SART3: variants seen among roughly 807,000 people sequenced by gnomAD.
The protein encoded by SART3 is HIV-1 Tat-interacting protein of 110kDa.
Under a neutral mutation model 122.3 loss-of-function variants are expected in SART3, and 44 were observed. The ratio of observed to expected loss-of-function variants is 0.36; its 90% CI spans 0.28 to 0.46. The LOEUF (loss-of-function observed/expected upper bound fraction) is 0.46, where lower values mean the gene tolerates loss of function less well. Ranked by LOEUF, SART3 falls within the 20% of genes least tolerant of loss-of-function variation. The pLI is 1.00. For missense variants in SART3, 1,101 were observed against 1,229.0 expected (o/e 0.90, Z 1.56); for synonymous variants, 442 against 454.0 (o/e 0.97, Z 0.34).
chr12:108,538,192 C>T lies in SART3; in HGVS notation c.1074G>A (p.Leu358=), dbSNP rs574890118. ...CAGATAAAACCAAATCCTTTACTTT[C>T]AGTTGTCGATCCTATGATAAAGAAT... The part of the protein sequence containing the change: ...IRYSQYLDRQ[L]KVKDLVLSVH... Residue 358 remains leucine, a synonymous_variant, in exon 8 of 19, where the codon CTG becomes CTA. Coordinates refer to ENST00000546815, the MANE Select transcript of SART3 (RefSeq NM_014706.4). 1.9e-6 allele frequency: 3 copies of T among 1,614,200 alleles called. No individual in the cohort carries two copies. In the South Asian group the frequency reaches 3.3e-5, roughly 18 times the overall value.
At chr12:108,552,215 T>TA (rs1179364832) in intron 1 of SART3, among the ~76,000 whole-genome samples, 8 of 152,174 alleles carry the variant, frequency 5.3e-5, no homozygotes, top group Non-Finnish European at 7.4e-5. Flanking sequence ...AGAGCATCTA[T>TA]AAAAAATCTA....
rs1466396174 is a variant in SART3 at position 108,526,552 on chromosome 12, C to T, written c.1917G>A (p.Glu639=). The T allele has an allele frequency of 6.2e-7, 1 of 1,613,622 alleles. No individual in the cohort carries two copies. Among genetic ancestry groups the T allele is most frequent in the Non-Finnish European group, 8.5e-7 (1 of 1,180,014 alleles). ...DEKEWGDDEE[E]QPSKRRRVEN... ...CGACCCTTCTGCGTTTGGAAGGCTGCTCTACAGGTTTTCAAAAGAAAAGTA... is the reference window on the plus strand; with the variant it reads ...CGACCCTTCTGCGTTTGGAAGGCTGTTCTACAGGTTTTCAAAAGAAAAGTA... The change falls in exon 16 of 19, where the codon GAG becomes GAA. Residue 639 remains glutamate, a splice_region_variant and synonymous_variant. Coordinates refer to ENST00000546815, the MANE Select transcript of SART3 (RefSeq NM_014706.4).
intron 6 of SART3, chr12:108,542,791 G>A: frequency 1.6e-6 from 1 of 608,086 alleles, no homozygotes; most frequent in East Asian, 3.6e-5. Context: ...GGGAGGAGGA[G>A]GCAATCGGAG....
At chr12:108,537,015 G>T in intron 9 of SART3, 1 of 544,196 alleles carries the variant, frequency 1.8e-6, no homozygotes, top group Non-Finnish European at 3.3e-6. Context: ...GGGTGCTGTG[G>T]GGGGGAGTCT....
At position 108,523,571 on chromosome 12, in the gene SART3, T is replaced by G; in HGVS notation, c.2778A>C (p.Ala926=). The G allele has an allele frequency of 6.2e-7, 1 of 1,614,136 alleles. No homozygotes were observed. The highest frequency in any genetic ancestry group is 8.5e-7 in the Non-Finnish European group (1 of 1,180,026). ...CAGGGCCGTTCTCAGCCTGAGGAGC[T>G]GCAGCACTTGGGCGCTGCAGGGCAC... is the stretch of plus-strand genomic sequence containing the variant. ...LPRALQRPSA[A]APQAENGPAA... The change falls in exon 19 of 19, where the codon GCA becomes GCC. Residue 926 remains alanine (A), a synonymous_variant. Transcript: ENST00000546815.
At position 108,549,207 on chromosome 12, in the gene SART3, A is replaced by G. The variant is rs751057291; in HGVS notation, c.320T>C (p.Ile107Thr). 1.2e-6 allele frequency: 2 copies of G among 1,614,194 alleles called. No individual in the cohort carries two copies. Among genetic ancestry groups the G allele is most frequent in the Admixed American group, 3.3e-5 (2 of 60,026 alleles). Reference protein sequence around the residue: ...EIERLEEQLSINVYDYNCHVD... With the variant: ...EIERLEEQLSTNVYDYNCHVD... ...ATGGCAGTTGTAGTCATAGACGTTG[A>G]TAGACAACTAACAGGAAAAGAAACA... Residue 107 changes from isoleucine to threonine, a missense_variant, in exon 2 of 19, where the codon ATC becomes ACC. This residue lies in a region of SART3 where 216 missense variants were observed against 148.9 expected (regional missense o/e 1.45). Transcript: ENST00000546815.
chr12:108,542,966 C>T, intron 6 of SART3, 62 bp downstream of exon 6: 1 of 1,605,966 alleles, frequency 6.2e-7, no homozygotes, highest in Non-Finnish European at 8.5e-7. Context: ...GTTTAACTCG[C>T]AACTATCCAT....
intron 6 of SART3, 104 bp downstream of exon 6, chr12:108,542,924 T>A (rs1004916857): frequency 3.5e-6 from 5 of 1,446,536 alleles, no homozygotes; most frequent in East Asian, 2.3e-5. Flanking sequence ...ATACACTCTA[T>A]ATATTTCAGA....
intron 1 of SART3, among the ~76,000 whole-genome samples, chr12:108,549,773 T>C (rs978273003): frequency 6.6e-6 from 1 of 152,138 alleles, no homozygotes; most frequent in African/African-American, 2.4e-5. Flanking sequence ...CCCAGCACTT[T>C]GGGAGGCCGA....
intron 3 of SART3, 60 bp from the exon 4 acceptor site, chr12:108,545,383 T>C: frequency 6.4e-7 from 1 of 1,562,028 alleles, no homozygotes; most frequent in Non-Finnish European, 8.8e-7. Flanking sequence ...TCAAAACTGA[T>C]GCATAACAAA....
chr12:108,544,688 C>A, intron 4 of SART3: 1 of 692,026 alleles, frequency 1.4e-6, no homozygotes, highest in Non-Finnish European at 2.6e-6. Flanking sequence ...ACCTCAGAGT[C>A]CTGAGTAGCT....
chr12:108,555,989 T>G lies in SART3; in HGVS notation c.312+4854A>C, dbSNP rs573356003. Reference sequence around the variant, plus strand: ...GAAGAGAGAGCCCAAAACAGACCCATGCAGTTGAAAAACACTATGGCTCAG... The same window carrying G: ...GAAGAGAGAGCCCAAAACAGACCCAGGCAGTTGAAAAACACTATGGCTCAG... On this transcript the variant is annotated intron_variant, in intron 1 of 18. Coordinates refer to ENST00000546815, the MANE Select transcript of SART3 (RefSeq NM_014706.4). Among the ~76,000 whole-genome samples, 35 of 152,258 alleles carry G rather than the reference T, an allele frequency of 2.3e-4. 2 individuals carry two copies. The South Asian group carries it at 6.8e-3, about 30-fold the overall frequency.
intron 5 of SART3, among the ~76,000 whole-genome samples, chr12:108,543,858 G>A (rs1292890561): frequency 3.3e-5 from 5 of 152,096 alleles, no homozygotes; most frequent in Admixed American, 2.0e-4. Flanking sequence ...CTCCCAGCAC[G>A]CACACACTCA....
Position 108,535,341 on chromosome 12 carries a change from C to A in SART3, c.1556+18G>T. On this transcript the variant is annotated intron_variant, in intron 12 of 18. Transcript: ENST00000546815. ...AGCTGACAAGCACTGCCTCCCTCCC[C>A]ACCCCGAGATCAGTTACCTTTCCAG... 6.2e-7 allele frequency: 1 copy of A among 1,602,120 alleles called. No individual in the cohort carries two copies. Among genetic ancestry groups the A allele is most frequent in the Non-Finnish European group, 8.6e-7 (1 of 1,169,438 alleles).
Position 108,526,507 on chromosome 12 carries a change from A to G in SART3, c.1962T>C (p.Ala654=). ...RRRVENSIPA[A]GETQNVEVAA... ...CTACTTCTACATTTTGTGTTTCTCC[A>G]GCTGCAGGGATGCTGTTCTCGACCC... The change falls in exon 16 of 19, where the codon GCT becomes GCC. Residue 654 remains alanine, a synonymous_variant. Coordinates refer to ENST00000546815, the MANE Select transcript of SART3 (RefSeq NM_014706.4). 6.2e-7 allele frequency: 1 copy of G among 1,614,104 alleles called. No homozygotes were observed. The highest frequency in any genetic ancestry group is 8.5e-7 in the Non-Finnish European group (1 of 1,180,040).
rs542864378 is a variant in SART3 at position 108,550,740 on chromosome 12, G to A, written c.313-1526C>T. 5.3e-5 allele frequency among the ~76,000 whole-genome samples: 8 copies of A among 152,266 alleles called. No individual in the cohort carries two copies. In the East Asian group the frequency reaches 1.5e-3, roughly 29 times the overall value. On this transcript the variant is annotated intron_variant, in intron 1 of 18. Transcript: ENST00000546815. ...TAGCTGGGTGTGGTGGCACATGCCT[G>A]TAGTCCAGCTACTCAGGAGGCTGAG...
In SART3 at chr12:108,538,174, A is replaced by T; in HGVS notation, c.1092T>A (p.Val364=). 6.2e-7 allele frequency: 1 copy of T among 1,614,198 alleles called. No homozygotes were observed. The highest frequency in any genetic ancestry group is 8.5e-7 in the Non-Finnish European group (1 of 1,180,022). ...LDRQLKVKDL[V]LSVHNRAIRN... Reference sequence around the variant, plus strand: ...TAATAGCGCGGTTATGTACAGATAAAACCAAATCCTTTACTTTCAGTTGTC... The same window carrying T: ...TAATAGCGCGGTTATGTACAGATAATACCAAATCCTTTACTTTCAGTTGTC... The change falls in exon 8 of 19, where the codon GTT becomes GTA. Residue 364 remains valine (V), a synonymous_variant. Transcript: ENST00000546815.
chr12:108,547,392 G>A (rs1202372549), intron 3 of SART3, among the ~76,000 whole-genome samples: 1 of 152,028 alleles, frequency 6.6e-6, no homozygotes. Flanking sequence ...TTTTCCCATT[G>A]TTCCAAGGTC....
At chr12:108,525,891 G>C (rs1015487299) in intron 16 of SART3, 2 of 622,746 alleles carry the variant, frequency 3.2e-6, no homozygotes, top group Non-Finnish European at 5.6e-6. Flanking sequence ...ACAGTCCCTT[G>C]TCATTGCTAA....
Sources: allele counts gnomAD v4.1 joint callset (sites outside exome capture counted in the v4.1 genomes callset), GRCh38; gene constraint gnomAD v4.1.1; regional missense constraint gnomAD v4.1.1; transcripts MANE v1.5; gene names NCBI Gene and HGNC (gene_info 2026-07-23, HGNC 2026-07-21).